The following MACROD2 variants were observed in gnomAD, a reference collection of about 807,000 sequenced individuals.
The protein encoded by MACROD2 is mono-ADP ribosylhydrolase 2, also known as ADP-ribose glycohydrolase MACROD2.
In MACROD2, 36 loss-of-function variants were observed where a neutral mutation model predicts 70.4. That is an observed-to-expected ratio of 0.51 (90% CI 0.39 to 0.68). MACROD2 has a LOEUF of 0.68. MACROD2 is among the 30% of genes least tolerant of loss of function. MACROD2 has a pLI of 0.00. For missense variants in MACROD2, 496 were observed against 538.4 expected, an observed-to-expected ratio of 0.92 and a Z score of 0.78; for synonymous variants, 172 against 178.8, an observed-to-expected ratio of 0.96 and a Z score of 0.30.
chr20:14,632,338 A>G (rs1984558931), intron 4 of MACROD2, among the ~76,000 whole-genome samples: 1 of 152,232 alleles, frequency 6.6e-6, no homozygotes, highest in South Asian at 2.1e-4. Context: ...AACTTACAAT[A>G]TGAAAACCTG....
intron 8 of MACROD2, among the ~76,000 whole-genome samples, chr20:15,509,243 A>ATGGACACC (rs1310419450): frequency 6.6e-6 from 1 of 152,226 alleles, no homozygotes; most frequent in African/African-American, 2.4e-5. Flanking sequence ...CTGGAGGACC[A>ATGGACACC]TCAAAAGATA....
At chr20:14,998,314 A>T (rs1432915548) in intron 5 of MACROD2, among the ~76,000 whole-genome samples, 2 of 152,188 alleles carry the variant, frequency 1.3e-5, no homozygotes, top group African/African-American at 2.4e-5. Flanking sequence ...GTGATATGTG[A>T]CCTTTCAGAT....
intron 4 of MACROD2, among the ~76,000 whole-genome samples, chr20:14,588,489 T>G (rs1386045675): frequency 1.3e-5 from 2 of 152,164 alleles, no homozygotes; most frequent in African/African-American, 4.8e-5. Flanking sequence ...TTTTCTGGCT[T>G]TGTAGTTTTT....
chr20:15,204,504 A>G (rs1376596725), intron 5 of MACROD2, among the ~76,000 whole-genome samples: 1 of 152,118 alleles, frequency 6.6e-6, no homozygotes, highest in African/African-American at 2.4e-5. Flanking sequence ...ATCAGAGATG[A>G]CATGGTACCT....
At chr20:14,749,716 G>A (rs1568774335) in intron 5 of MACROD2, among the ~76,000 whole-genome samples, 1 of 152,004 alleles carries the variant, frequency 6.6e-6, no homozygotes, top group Non-Finnish European at 1.5e-5. Context: ...CTTCATTTTA[G>A]TAATAGAGTG....
intron 6 of MACROD2, among the ~76,000 whole-genome samples, chr20:15,300,600 A>T (rs1350222349): frequency 6.6e-6 from 1 of 152,204 alleles, no homozygotes; most frequent in East Asian, 1.9e-4. Flanking sequence ...GTGCATATTC[A>T]AAAACTATTA....
chr20:14,161,438 C>T lies in MACROD2; in HGVS notation c.271+75710C>T, dbSNP rs370598577. On this transcript the variant is annotated intron_variant, in intron 3 of 17. Coordinates refer to ENST00000684519, the MANE Select transcript of MACROD2 (RefSeq NM_001351661.2). ...TCCTGACCTCATGATCCGCCCACCC[C>T]GTGTCCCAAAGTGCTGGGATTACAG... 1.1e-4 allele frequency among the ~76,000 whole-genome samples: 17 copies of T among 152,030 alleles called. No individual in the cohort carries two copies. In the East Asian group the frequency reaches 1.4e-3, roughly 12 times the overall value.
At chr20:14,735,043 A>C (rs758912162) in intron 5 of MACROD2, among the ~76,000 whole-genome samples, 2 of 152,196 alleles carry the variant, frequency 1.3e-5, no homozygotes, top group African/African-American at 4.8e-5. Flanking sequence ...TTAGAAAAAA[A>C]ATAGGAGTAA....
chr20:14,197,381 A>T (rs1601337012), intron 3 of MACROD2, among the ~76,000 whole-genome samples: 1 of 152,200 alleles, frequency 6.6e-6, no homozygotes, highest in Non-Finnish European at 1.5e-5. Flanking sequence ...TCCAAAAGGT[A>T]TTACTAACAT....
At chr20:14,949,862 T>C (rs1256825235) in intron 5 of MACROD2, among the ~76,000 whole-genome samples, 4 of 152,204 alleles carry the variant, frequency 2.6e-5, no homozygotes, top group Admixed American at 2.0e-4. Flanking sequence ...AACCCTATTA[T>C]ATTTTTATTA....
chr20:14,173,456 C>T (rs6079332), intron 3 of MACROD2, among the ~76,000 whole-genome samples: 111,328 of 152,036 alleles, frequency 0.73, 41,014 homozygotes, highest in East Asian at 0.81. Flanking sequence ...TCCTTCATTT[C>T]GAGAAGTTGT....
chr20:15,248,154 G>A (rs1195820852), intron 6 of MACROD2, among the ~76,000 whole-genome samples: 1 of 152,174 alleles, frequency 6.6e-6, no homozygotes, highest in Non-Finnish European at 1.5e-5. Context: ...TCTAGGCAAA[G>A]CCAGAACTTG....
chr20:15,858,982 A>G (rs1394000898), intron 8 of MACROD2, among the ~76,000 whole-genome samples: 1 of 152,226 alleles, frequency 6.6e-6, no homozygotes, highest in Non-Finnish European at 1.5e-5. Flanking sequence ...GTACTTAACT[A>G]CTAATAGCCT....
At chr20:15,403,945 C>G (rs1291981780) in intron 6 of MACROD2, among the ~76,000 whole-genome samples, 2 of 152,122 alleles carry the variant, frequency 1.3e-5, no homozygotes, top group African/African-American at 2.4e-5. Flanking sequence ...ATGTATAAAG[C>G]AATAGAGCAA....
intron 4 of MACROD2, among the ~76,000 whole-genome samples, chr20:14,645,452 C>A (rs1985334809): frequency 6.6e-6 from 1 of 151,914 alleles, no homozygotes; most frequent in Non-Finnish European, 1.5e-5. Flanking sequence ...CTTCTGGAGA[C>A]TGGGAAGTAT....
rs373796096 is a variant in MACROD2, at chr20:14,590,399, G to T, written c.302-94444G>T. On this transcript the variant is annotated intron_variant, in intron 4 of 17. Transcript: ENST00000684519. ...ACATTCAGCCTGGGTTTAGAGGTTT[G>T]TGGGGCAGTAAGATTTGAATTAAAG... 4.6e-5 allele frequency among the ~76,000 whole-genome samples: 7 copies of T among 152,178 alleles called. No homozygotes were observed. The East Asian group carries it at 7.7e-4, about 17-fold the overall frequency.
intron 4 of MACROD2, among the ~76,000 whole-genome samples, chr20:14,578,783 G>A (rs6135185): frequency 0.11 from 16,351 of 152,126 alleles, 1,284 homozygotes; most frequent in South Asian, 0.34. Context: ...TAAATTCACC[G>A]AAACCTAAGG....
At chr20:15,412,319 G>A (rs1358644670) in intron 6 of MACROD2, among the ~76,000 whole-genome samples, 1 of 152,080 alleles carries the variant, frequency 6.6e-6, no homozygotes, top group Non-Finnish European at 1.5e-5. Flanking sequence ...ACATAAGGGA[G>A]ATAAAAGATC....
At chr20:15,570,589 A>G (rs2048364719) in intron 8 of MACROD2, among the ~76,000 whole-genome samples, 1 of 152,214 alleles carries the variant, frequency 6.6e-6, no homozygotes, top group African/African-American at 2.4e-5. Flanking sequence ...TCAGCACTCA[A>G]AACACTGCAT....
Sources: allele counts gnomAD v4.1 joint callset (sites outside exome capture counted in the v4.1 genomes callset), GRCh38; gene constraint gnomAD v4.1.1; transcripts MANE v1.5; gene names NCBI Gene and HGNC (gene_info 2026-07-23, HGNC 2026-07-21).